Variants in PCDHGC4 observed in about 807,000 individuals in gnomAD.
The protein encoded by PCDHGC4 is protocadherin gamma subfamily C, 4, also known as protocadherin gamma-C4.
PCDHGC4 carries 15 observed loss-of-function variants against 59.7 expected under a neutral mutation model. The observed-to-expected ratio is 0.25, with a 90% confidence interval of 0.17 to 0.39. The LOEUF (loss-of-function observed/expected upper bound fraction) is 0.39. PCDHGC4 is among the 10% of genes least tolerant of loss of function. The pLI is 1.00. For synonymous variants in PCDHGC4, 434 were observed against 481.4 expected (o/e 0.90, Z 1.29); for missense variants, 1,016 against 1,189.5 (o/e 0.85, Z 2.15).
intron 2 of PCDHGC4, among the ~76,000 whole-genome samples, chr5:141,501,983 C>G (rs957901405): frequency 6.6e-6 from 1 of 152,068 alleles, no homozygotes; most frequent in Non-Finnish European, 1.5e-5. Flanking sequence ...CATCTGGTCC[C>G]GTTGTCTCCC....
At position 141,494,788 on chromosome 5, in the gene PCDHGC4, C is replaced by T. The variant is rs2099756942; in HGVS notation, c.2443-19C>T. The T allele has an allele frequency of 6.2e-7, 1 of 1,614,116 alleles. No homozygotes were observed. The highest frequency in any genetic ancestry group is 8.5e-7 in the Non-Finnish European group (1 of 1,180,000). On this transcript the variant is annotated intron_variant, in intron 1 of 3. Transcript: ENST00000306593. ...CTTCTCACGGGTACTCAGCCCCTTTCCCTCTGTTTTCTCCACAGCAAGCCC... is the reference window on the plus strand; with the variant it reads ...CTTCTCACGGGTACTCAGCCCCTTTTCCTCTGTTTTCTCCACAGCAAGCCC...
In PCDHGC4 at chr5:141,489,362, C is replaced by T. The variant is rs1562129544; in HGVS notation, c.2442+1747C>T. 8 of 1,613,052 alleles carry T rather than the reference C, an allele frequency of 5.0e-6. No individual in the cohort carries two copies. Among genetic ancestry groups the T allele is most frequent in the South Asian group, 2.2e-5 (2 of 90,970 alleles). On this transcript the variant is annotated intron_variant, in intron 1 of 3. Coordinates refer to ENST00000306593, the MANE Select transcript of PCDHGC4 (RefSeq NM_018928.3). The surrounding 1 kb of genome is among the most constrained non-coding windows in gnomAD (Gnocchi z 4.5). ...TACTCAGTGGTGGAGGAGTCTGAGC[C>T]GGGGACGCTGGTGGGGAATGTTGCT...
rs922405350 is a variant in PCDHGC4, at chr5:141,512,227, T to C, written c.*1054T>C. 5 of 152,764 alleles carry C rather than the reference T, an allele frequency of 3.3e-5. No homozygotes were observed. The highest frequency in any genetic ancestry group is 1.2e-4 in the African/African-American group (5 of 41,552). 9.5% of individuals were successfully genotyped at this position (152,764 alleles called of 1,614,324 possible). On this transcript the variant is annotated 3_prime_UTR_variant, in exon 4 of 4. Transcript: ENST00000306593. ...AAGCAGGTTTAGGACCAGGTCCCCTTGAGAGGTCAGAGGGGCCTCTGTGGG... is the reference window on the plus strand; with the variant it reads ...AAGCAGGTTTAGGACCAGGTCCCCTCGAGAGGTCAGAGGGGCCTCTGTGGG...
intron 3 of PCDHGC4, among the ~76,000 whole-genome samples, chr5:141,509,056 G>A (rs1303823294): frequency 1.3e-5 from 2 of 152,178 alleles, no homozygotes; most frequent in Admixed American, 6.5e-5. Context: ...CCCCCAGAAA[G>A]CTCTCAGCTC....
intron 2 of PCDHGC4, among the ~76,000 whole-genome samples, chr5:141,503,700 C>G (rs2099828974): frequency 6.6e-6 from 1 of 152,016 alleles, no homozygotes; most frequent in Non-Finnish European, 1.5e-5. Flanking sequence ...GAGATTCCTG[C>G]TTTCCCCTTC....
intron 3 of PCDHGC4, among the ~76,000 whole-genome samples, chr5:141,506,598 G>A (rs1056005258): frequency 6.6e-6 from 1 of 152,130 alleles, no homozygotes; most frequent in Non-Finnish European, 1.5e-5. Context: ...CAGTATTAAC[G>A]GATCTCATTG....
At position 141,511,124 on chromosome 5, in the gene PCDHGC4, C is replaced by G; in HGVS notation, c.2768C>G (p.Ala923Gly). 1.9e-6 allele frequency: 3 copies of G among 1,614,206 alleles called. No individual in the cohort carries two copies. Among genetic ancestry groups the G allele is most frequent in the Non-Finnish European group, 2.5e-6 (3 of 1,180,022 alleles). The change falls in exon 4 of 4, where the codon GCA (alanine) becomes GGA (glycine). Residue 923 changes from alanine to glycine, a missense_variant. Transcript: ENST00000306593. ...AAGKRDGKAP[A>G]GGNGNKKKSG... ...GGCAAGCGGGATGGCAAGGCCCCAG[C>G]AGGTGGCAATGGCAACAAGAAGAAG...
At chr5:141,505,275 AGGTCTTGGGCATGGGGTAG>A (rs1251192617) in intron 2 of PCDHGC4, 99 bp from the exon 3 acceptor site, 87 of 1,525,470 alleles carry the variant, frequency 5.7e-5, no homozygotes, top group Non-Finnish European at 2.0e-5. Context: ...TGAGAGAAAC[AGGTCTTGGGCATGGGGTAG>A]GGTTAGGGTA....
chr5:141,503,506 G>A (rs2099820313), intron 2 of PCDHGC4, among the ~76,000 whole-genome samples: 1 of 151,616 alleles, frequency 6.6e-6, no homozygotes, highest in African/African-American at 2.4e-5. Context: ...GGCTGAGGCA[G>A]GAGAATCACT....
chr5:141,509,447 C>T (rs898280593), intron 3 of PCDHGC4, among the ~76,000 whole-genome samples: 2 of 152,128 alleles, frequency 1.3e-5, no homozygotes, highest in Admixed American at 6.5e-5. Context: ...CCTCCTCTCC[C>T]ACCCCCGACC....
intron 3 of PCDHGC4, among the ~76,000 whole-genome samples, chr5:141,507,893 G>C (rs750472786): frequency 2.2e-4 from 33 of 152,356 alleles, no homozygotes; most frequent in Non-Finnish European, 4.1e-4. Context: ...AGAGGTTCCT[G>C]AAGTCCAGCC....
In PCDHGC4 at chr5:141,489,327, G is replaced by A; in HGVS notation, c.2442+1712G>A. The A allele has an allele frequency of 6.2e-7, 1 of 1,603,940 alleles. No individual in the cohort carries two copies. Among genetic ancestry groups the A allele is most frequent in the South Asian group, 1.1e-5 (1 of 89,400 alleles). ...TGTGCTGCTGGGGCTGGGTGTCTGG[G>A]CAGCTTCGTTACTCAGTGGTGGAGG... is the stretch of plus-strand genomic sequence containing the variant. On this transcript the variant is annotated intron_variant, in intron 1 of 3. Transcript: ENST00000306593. This position sits in a 1 kb window ranked among gnomAD's most constrained non-coding sequence, Gnocchi z 4.5.
chr5:141,491,666 G>A lies in PCDHGC4; in HGVS notation c.2443-3141G>A, dbSNP rs373526771. 9.4e-5 allele frequency: 152 copies of A among 1,613,614 alleles called. No homozygotes were observed. The highest frequency in any genetic ancestry group is 1.2e-4 in the Non-Finnish European group (142 of 1,180,016). The stretch of plus-strand genomic sequence containing the variant: ...CTGGCGCTGGAGCCTGACGCCATCC[G>A]GTCCCGCTCTAATACGCTGCGGGAG... On this transcript the variant is annotated intron_variant, in intron 1 of 3. Coordinates refer to ENST00000306593, the MANE Select transcript of PCDHGC4 (RefSeq NM_018928.3). This position sits in a 1 kb window ranked among gnomAD's most constrained non-coding sequence, Gnocchi z 6.9.
At chr5:141,500,699 A>G (rs780869966) in intron 2 of PCDHGC4, among the ~76,000 whole-genome samples, 1 of 152,156 alleles carries the variant, frequency 6.6e-6, no homozygotes, top group Non-Finnish European at 1.5e-5. Context: ...TCTTCTTTGC[A>G]GTGTATCATG....
chr5:141,509,224 T>G (rs1241668369), intron 3 of PCDHGC4, among the ~76,000 whole-genome samples: 3 of 152,176 alleles, frequency 2.0e-5, no homozygotes, highest in Non-Finnish European at 2.9e-5. Flanking sequence ...AATCCCTGGT[T>G]GATGTCCCAG....
chr5:141,511,031 A>G lies in PCDHGC4; in HGVS notation c.2675A>G (p.Gln892Arg). 6.2e-7 allele frequency: 1 copy of G among 1,614,244 alleles called. No individual in the cohort carries two copies. The highest frequency in any genetic ancestry group is 8.5e-7 in the Non-Finnish European group (1 of 1,180,034). ...SARYGPQFTL[Q>R]HVPDYRQNVY... Reference sequence around the variant, plus strand: ...CGCTACGGACCCCAGTTCACCCTGCAGCACGTGCCCGACTACCGCCAGAAT... The same window carrying G: ...CGCTACGGACCCCAGTTCACCCTGCGGCACGTGCCCGACTACCGCCAGAAT... The change falls in exon 4 of 4, where the codon CAG (glutamine) becomes CGG (arginine). Residue 892 changes from glutamine to arginine, a missense_variant. Gln to Arg is a conservative substitution (Grantham distance 43). Coordinates refer to ENST00000306593, the MANE Select transcript of PCDHGC4 (RefSeq NM_018928.3).
rs1207647899 is a variant in PCDHGC4, at chr5:141,491,938, C to T, written c.2443-2869C>T. The T allele has an allele frequency of 1.6e-5, 19 of 1,199,190 alleles. No homozygotes were observed. Among genetic ancestry groups the T allele is most frequent in the Non-Finnish European group, 2.1e-5 (18 of 875,372 alleles). 74.3% of individuals were successfully genotyped at this position (1,199,190 alleles called of 1,614,324 possible). ...TGTGGGCGAGGGGAGGTGGGACCGA[C>T]CCCCACCCCTACACTCAAAAAAGGC... is the stretch of plus-strand genomic sequence containing the variant. On this transcript the variant is annotated intron_variant, in intron 1 of 3. Coordinates refer to ENST00000306593, the MANE Select transcript of PCDHGC4 (RefSeq NM_018928.3). This position sits in a 1 kb window ranked among gnomAD's most constrained non-coding sequence, Gnocchi z 6.9.
chr5:141,510,194 G>A (rs920127442), intron 3 of PCDHGC4, among the ~76,000 whole-genome samples: 1 of 151,462 alleles, frequency 6.6e-6, no homozygotes, highest in Non-Finnish European at 1.5e-5. Context: ...AATCACTTGA[G>A]CCCAGGAGGC....
chr5:141,501,288 TATACACAC>T (rs1482707793), intron 2 of PCDHGC4, among the ~76,000 whole-genome samples: 1 of 81,228 alleles, frequency 1.2e-5, no homozygotes, highest in African/African-American at 4.9e-5. Flanking sequence ...GATATTCCCT[TATACACAC>T]ACACACACAC....
Sources: allele counts gnomAD v4.1 joint callset (sites outside exome capture counted in the v4.1 genomes callset), GRCh38; gene constraint gnomAD v4.1.1; non-coding constraint Gnocchi (gnomAD v3.1); transcripts MANE v1.5; gene names NCBI Gene and HGNC (gene_info 2026-07-23, HGNC 2026-07-21).